The following ABR variants were observed in gnomAD, a reference collection of about 807,000 sequenced individuals.
The protein encoded by ABR is active breakpoint cluster region-related protein.
ABR carries 35 observed loss-of-function variants against 107.2 expected under a neutral mutation model. The observed-to-expected ratio is 0.33, with a 90% CI of 0.25 to 0.43. ABR has a LOEUF of 0.43. Among genes scored for constraint, ABR ranks in the 20% least tolerant of loss-of-function variants. The probability of loss-of-function intolerance (pLI) is 1.00; values close to 1 mark genes in which losing one functional copy is unlikely to be tolerated. For missense variants in ABR, 815 were observed against 1,115.2 expected (o/e 0.73, Z 3.83); for synonymous variants, 498 against 462.0 (o/e 1.08, Z -1.00).
exon 1 of ABR, chr17:1,228,876 C>T (rs2043275529): frequency 6.6e-6 from 1 of 151,780 alleles, no homozygotes; most frequent in South Asian, 2.1e-4. Context: ...GGGCGAGTCC[C>T]GCTCGGGCAC....
chr17:1,222,074 C>CTTTTTTTTTTTTTTTTTTTTT lies in ABR; in HGVS notation c.838+6718_838+6719insAAAAAAAAAAAAAAAAAAAAA, dbSNP rs1488404002. ...ATAACAGCACCATGGAGGATCCCATCTTTTTTTCTGAGACGGAGTTTCACC... is the reference window on the plus strand; with the variant it reads ...ATAACAGCACCATGGAGGATCCCATCTTTTTTTTTTTTTTTTTTTTTTTTTTTTCTGAGACGGAGTTTCACC... On this transcript the variant is annotated intron_variant, in intron 1 of 22. Transcript: ENST00000574139. Among the ~76,000 whole-genome samples, 7 of 144,782 alleles carry CTTTTTTTTTTTTTTTTTTTTT rather than the reference C, an allele frequency of 4.8e-5. 2 individuals carry two copies. Among genetic ancestry groups the CTTTTTTTTTTTTTTTTTTTTT allele is most frequent in the Non-Finnish European group, 1.5e-5 (1 of 66,402 alleles). The allele number at this position is 144,782 out of a possible 152,430, so 95.0% of individuals were successfully genotyped here.
At chr17:1,123,312 C>G (rs1348515811) in intron 2 of ABR, among the ~76,000 whole-genome samples, 1 of 152,160 alleles carries the variant, frequency 6.6e-6, no homozygotes, top group Non-Finnish European at 1.5e-5. Context: ...GGGCCACAAG[C>G]ACTTTAGGGG....
At chr17:1,175,183 G>A (rs946788159) in intron 1 of ABR, among the ~76,000 whole-genome samples, 2 of 152,158 alleles carry the variant, frequency 1.3e-5, no homozygotes, top group African/African-American at 2.4e-5. Context: ...AAGCCGAGGC[G>A]GGTGGATCAC....
chr17:1,121,094 C>A (rs1253536907), intron 2 of ABR, among the ~76,000 whole-genome samples: 1 of 152,234 alleles, frequency 6.6e-6, no homozygotes, highest in Non-Finnish European at 1.5e-5. Flanking sequence ...CCCTGCCGTG[C>A]TGCCCTGCTC....
chr17:1,179,878 C>T lies in ABR; in HGVS notation c.-151G>A. 3.7e-6 allele frequency: 2 copies of T among 546,688 alleles called. No homozygotes were observed. Among genetic ancestry groups the T allele is most frequent in the Non-Finnish European group, 2.7e-6 (1 of 365,364 alleles). The allele number at this position is 546,688 out of a possible 1,614,324, so 33.9% of individuals were successfully genotyped here. On this transcript the variant is annotated 5_prime_UTR_variant, in exon 1 of 23. Transcript: ENST00000302538. The surrounding 1 kb of genome is among the most constrained non-coding windows in gnomAD (Gnocchi z 4.9). ...GTCCCCGGGAGGAGCGCGGGGCGGC[C>T]GGGGCAGGGGCGAGGGCGGGGCGGG...
intron 1 of ABR, among the ~76,000 whole-genome samples, chr17:1,136,156 A>G (rs757368583): frequency 6.6e-6 from 1 of 152,156 alleles, no homozygotes; most frequent in Admixed American, 6.5e-5. Flanking sequence ...AAAGTCCTAC[A>G]TATGTCTTCT....
rs1555565262 is a variant in ABR, at chr17:1,078,130, T to TGTGA, written c.700+1199_700+1200insTCAC. Among the ~76,000 whole-genome samples the TGTGA allele has an allele frequency of 2.0e-5, 3 of 151,880 alleles. No homozygotes were observed. Among genetic ancestry groups the TGTGA allele is most frequent in the Admixed American group, 6.6e-5 (1 of 15,258 alleles). ...GTGTGTGTGTGTGTGTGTGTGTGTG[T>TGTGA]GACCTTCACAGAGTAGCTTGCCACA... On this transcript the variant is annotated intron_variant, in intron 6 of 22. Transcript: ENST00000302538. This position sits in a 1 kb window ranked among gnomAD's most constrained non-coding sequence, Gnocchi z 7.5.
At chr17:1,127,893 C>T (rs1233939359) in intron 1 of ABR, among the ~76,000 whole-genome samples, 2 of 152,226 alleles carry the variant, frequency 1.3e-5, no homozygotes, top group Non-Finnish European at 2.9e-5. Flanking sequence ...CTCCTTCCAG[C>T]CTGGATGTTC....
In ABR at chr17:1,157,835, C is replaced by G. The variant is rs1033557678; in HGVS notation, c.61+21832G>C. Among the ~76,000 whole-genome samples the G allele has an allele frequency of 6.6e-6, 1 of 152,218 alleles. No homozygotes were observed. On this transcript the variant is annotated intron_variant, in intron 1 of 22. Coordinates refer to ENST00000302538, the MANE Select transcript of ABR (RefSeq NM_021962.5). This position sits in a 1 kb window ranked among gnomAD's most constrained non-coding sequence, Gnocchi z 4.7. ...ACCCACGATGGGGTGCACTCAGCCC[C>G]GTATCATTCATGCTGCAGGTCAGCC...
intron 1 of ABR, among the ~76,000 whole-genome samples, chr17:1,202,923 G>A (rs1031124565): frequency 1.4e-5 from 2 of 141,666 alleles, no homozygotes; most frequent in Admixed American, 1.4e-4. Flanking sequence ...GTCTTGCTCT[G>A]TCCCCCAGGC....
At position 1,005,483 on chromosome 17, in the gene ABR, G is replaced by A; in HGVS notation, c.*597C>T. ...GAGGAGGGGCCGGCAGCGGCAAACG[G>A]CAGCATCAAACAGACCACTGCTGCC... On this transcript the variant is annotated 3_prime_UTR_variant, in exon 23 of 23. Coordinates refer to ENST00000302538, the MANE Select transcript of ABR (RefSeq NM_021962.5). The A allele has an allele frequency of 4.0e-6, 1 of 252,436 alleles. No homozygotes were observed. The highest frequency in any genetic ancestry group is 7.5e-6 in the Non-Finnish European group (1 of 133,582). The allele number at this position is 252,436 out of a possible 1,614,324, so 15.6% of individuals were successfully genotyped here.
chr17:1,078,968 CCAG>C lies in ABR; in HGVS notation c.700+359_700+361del. On this transcript the variant is annotated intron_variant, in intron 6 of 22. Transcript: ENST00000302538. This position sits in a 1 kb window ranked among gnomAD's most constrained non-coding sequence, Gnocchi z 7.5. ...CCTTGCTGATGCTGCCGCACGGACTCCAGCATCGGGCAGCCGCTCCGGAGTGCT... is the reference window on the plus strand; with the variant it reads ...CCTTGCTGATGCTGCCGCACGGACTCCATCGGGCAGCCGCTCCGGAGTGCT... 2 of 1,509,248 alleles carry C rather than the reference CCAG, an allele frequency of 1.3e-6. No homozygotes were observed. Among genetic ancestry groups the C allele is most frequent in the Non-Finnish European group, 1.8e-6 (2 of 1,131,102 alleles). 93.5% of individuals were successfully genotyped at this position (1,509,248 alleles called of 1,614,324 possible). A position where few individuals can be genotyped will look rare whatever the true frequency, so the allele number is the denominator to read the frequency against.
In ABR at chr17:1,051,121, C is replaced by T. The variant is rs112464309; in HGVS notation, c.1562-487G>A. Among the ~76,000 whole-genome samples the T allele has an allele frequency of 2.7e-4, 41 of 152,284 alleles. No homozygotes were observed. Among genetic ancestry groups the T allele is most frequent in the African/African-American group, 9.1e-4 (38 of 41,556 alleles). On this transcript the variant is annotated intron_variant, in intron 14 of 22. Coordinates refer to ENST00000302538, the MANE Select transcript of ABR (RefSeq NM_021962.5). This position sits in a 1 kb window ranked among gnomAD's most constrained non-coding sequence, Gnocchi z 4.3. ...TGGGAGGCGTTTAGCAGCCCTGCCTCTGGGTCCTGAATGCTCGGAGCATCC... is the reference window on the plus strand; with the variant it reads ...TGGGAGGCGTTTAGCAGCCCTGCCTTTGGGTCCTGAATGCTCGGAGCATCC...
chr17:1,109,299 C>G (rs1468645608), intron 2 of ABR, among the ~76,000 whole-genome samples: 2 of 151,878 alleles, frequency 1.3e-5, no homozygotes, highest in Non-Finnish European at 1.5e-5. Flanking sequence ...CCCGGGCAGC[C>G]CCTGACGCCG....
At chr17:1,216,099 T>C (rs1284449714) in intron 1 of ABR, among the ~76,000 whole-genome samples, 1 of 151,598 alleles carries the variant, frequency 6.6e-6, no homozygotes, top group Non-Finnish European at 1.5e-5. Context: ...GTTTATCTGC[T>C]GACCTTCCCT....
chr17:1,201,950 T>G (rs1453554820), intron 1 of ABR, among the ~76,000 whole-genome samples: 1 of 152,172 alleles, frequency 6.6e-6, no homozygotes, highest in Non-Finnish European at 1.5e-5. Flanking sequence ...GTGCTGGGAT[T>G]ACAGGCGTGA....
At chr17:1,074,399 C>T (rs183347727) in intron 6 of ABR, among the ~76,000 whole-genome samples, 7 of 151,284 alleles carry the variant, frequency 4.6e-5, no homozygotes, top group Admixed American at 3.3e-4. Context: ...GCATACCTGC[C>T]ACACGCAGAA....
intron 2 of ABR, chr17:1,108,935 T>C: frequency 1.3e-6 from 2 of 1,590,784 alleles, no homozygotes; most frequent in East Asian, 2.4e-5. Context: ...CGCTCCCACC[T>C]TCACAGCCAC....
chr17:1,010,974 C>G lies in ABR; in HGVS notation c.2102-111G>C. The G allele has an allele frequency of 7.0e-7, 1 of 1,433,572 alleles. No homozygotes were observed. The highest frequency in any genetic ancestry group is 9.6e-7 in the Non-Finnish European group (1 of 1,046,226). 88.8% of individuals were successfully genotyped at this position (1,433,572 alleles called of 1,614,324 possible). ...CCACTCCAGCTCTGGTTCTGGTCTC[C>G]CCTGGAAGAGCAGGATGTAGAGAGG... On this transcript the variant is annotated intron_variant, in intron 19 of 22. Coordinates refer to ENST00000302538, the MANE Select transcript of ABR (RefSeq NM_021962.5). The surrounding 1 kb of genome is among the most constrained non-coding windows in gnomAD (Gnocchi z 4.1).
Sources: gnomAD v4.1 joint callset for allele counts (sites outside exome capture counted in the v4.1 genomes callset) on GRCh38, gnomAD v4.1.1 for gene constraint, Gnocchi (gnomAD v3.1) non-coding constraint, MANE v1.5 for transcripts, NCBI Gene and HGNC (gene_info 2026-07-23, HGNC 2026-07-21) for gene names.